CREB5: variants seen among roughly 807,000 people sequenced by gnomAD.
The protein encoded by CREB5 is cyclic AMP-responsive element-binding protein 5.
In CREB5, 19 loss-of-function variants were observed where a neutral mutation model predicts 57.1. The observed-to-expected ratio is 0.33, with a 90% confidence interval of 0.23 to 0.49. The LOEUF is 0.49. CREB5 is among the 20% of genes least tolerant of loss of function. The probability of loss-of-function intolerance (pLI) is 0.99; values close to 1 mark genes in which losing one functional copy is unlikely to be tolerated. For missense variants in CREB5, 579 were observed against 671.6 expected (o/e 0.86, Z 1.52); for synonymous variants, 238 against 238.3 (o/e 1.00, Z 0.01).
intron 4 of CREB5, among the ~76,000 whole-genome samples, chr7:28,566,986 G>A (rs1013809480): frequency 6.6e-6 from 1 of 152,106 alleles, no homozygotes; most frequent in African/African-American, 2.4e-5. Context: ...TGGGGGAGAG[G>A]GGATTACTTC....
chr7:28,528,587 C>T (rs1008283797), intron 4 of CREB5, among the ~76,000 whole-genome samples: 1 of 151,658 alleles, frequency 6.6e-6, no homozygotes, highest in African/African-American at 2.4e-5. Flanking sequence ...GCCTGTAATC[C>T]CAGCTACTCG....
At chr7:28,603,772 G>A (rs1321101040) in intron 5 of CREB5, among the ~76,000 whole-genome samples, 1 of 152,194 alleles carries the variant, frequency 6.6e-6, no homozygotes. Context: ...GTAAGTTATA[G>A]CCAGTGGTGC....
rs1809631551 is a variant in CREB5, at chr7:28,819,325, T to C, written c.*46T>C. The C allele has an allele frequency of 6.4e-7, 1 of 1,563,558 alleles. No individual in the cohort carries two copies. The highest frequency in any genetic ancestry group is 8.7e-7 in the Non-Finnish European group (1 of 1,155,980). Reference sequence around the variant, plus strand: ...CTCCAAGAAGAGCTGTAGCGTACCATGCGTCCTTTCTTTTAAGGGCATTTT... The same window carrying C: ...CTCCAAGAAGAGCTGTAGCGTACCACGCGTCCTTTCTTTTAAGGGCATTTT... On this transcript the variant is annotated 3_prime_UTR_variant, in exon 11 of 11. Transcript: ENST00000357727.
intron 1 of CREB5, among the ~76,000 whole-genome samples, chr7:28,458,091 G>A (rs177578): frequency 0.21 from 31,691 of 152,058 alleles, 3,436 homozygotes; most frequent in Middle Eastern, 0.23. Flanking sequence ...AGAAACGGGG[G>A]GCCAAGACAG....
chr7:28,384,758 G>C (rs921158246), intron 1 of CREB5, among the ~76,000 whole-genome samples: 3 of 151,870 alleles, frequency 2.0e-5, no homozygotes, highest in African/African-American at 4.8e-5. Context: ...TTAAAATAAG[G>C]CCACTGCAGA....
intron 9 of CREB5, among the ~76,000 whole-genome samples, chr7:28,810,922 A>G (rs1215970030): frequency 6.6e-6 from 1 of 152,180 alleles, no homozygotes; most frequent in African/African-American, 2.4e-5. Flanking sequence ...TTCATAATTT[A>G]TGGATGTTCA....
chr7:28,778,506 A>C (rs1218283419), intron 7 of CREB5, among the ~76,000 whole-genome samples: 1 of 152,242 alleles, frequency 6.6e-6, no homozygotes, highest in East Asian at 1.9e-4. Flanking sequence ...AGTTAGATTT[A>C]ATACAAATTG....
At chr7:28,377,291 A>C (rs1370183827) in intron 1 of CREB5, among the ~76,000 whole-genome samples, 1 of 152,194 alleles carries the variant, frequency 6.6e-6, no homozygotes, top group Non-Finnish European at 1.5e-5. Flanking sequence ...TTGTAAGAGG[A>C]AAATACACAC....
At chr7:28,583,435 G>A (rs972875659) in intron 5 of CREB5, among the ~76,000 whole-genome samples, 5 of 152,148 alleles carry the variant, frequency 3.3e-5, no homozygotes, top group African/African-American at 9.7e-5. Flanking sequence ...ATTTGGATGC[G>A]AGGGAAGAAA....
chr7:28,787,608 C>T (rs553401011), intron 7 of CREB5, among the ~76,000 whole-genome samples: 148 of 152,232 alleles, frequency 9.7e-4, no homozygotes, highest in African/African-American at 3.3e-3. Context: ...GCTCTGTTGC[C>T]GAGGCTAAAG....
intron 7 of CREB5, among the ~76,000 whole-genome samples, chr7:28,752,976 A>T (rs999805520): frequency 6.6e-6 from 1 of 151,812 alleles, no homozygotes; most frequent in Admixed American, 6.6e-5. Flanking sequence ...CAGAGATAAT[A>T]TTCTATAACA....
At chr7:28,586,006 C>T (rs1345514749) in intron 5 of CREB5, among the ~76,000 whole-genome samples, 1 of 152,170 alleles carries the variant, frequency 6.6e-6, no homozygotes, top group Non-Finnish European at 1.5e-5. Context: ...ATCTTTAGAA[C>T]TTTGCATCTT....
chr7:28,361,138 C>T (rs1481432904), intron 1 of CREB5, among the ~76,000 whole-genome samples: 1 of 152,092 alleles, frequency 6.6e-6, no homozygotes, highest in African/African-American at 2.4e-5. Context: ...TACTGTAGGA[C>T]AGAAATAACT....
intron 7 of CREB5, among the ~76,000 whole-genome samples, chr7:28,787,219 C>T (rs1272678770): frequency 6.6e-6 from 1 of 152,176 alleles, no homozygotes; most frequent in African/African-American, 2.4e-5. Context: ...GTCTCTGTGG[C>T]TCCTGAAAAG....
rs79763876 is a variant in CREB5 at position 28,590,650 on chromosome 7, G to A, written c.464+20113G>A. Among the ~76,000 whole-genome samples the A allele has an allele frequency of 1.1e-3, 163 of 148,440 alleles. 3 individuals are homozygous for A. The highest frequency in any genetic ancestry group is 3.4e-3 in the East Asian group (17 of 4,992). The stretch of plus-strand genomic sequence containing the variant: ...TGTGTAACAAACCTGCACGTTGTGC[G>A]CATGTACCCTGGAACTTAAAGTATA... On this transcript the variant is annotated intron_variant, in intron 5 of 10. Transcript: ENST00000357727.
chr7:28,560,879 C>CGTGCGCGCGTGCGTGCGTGTGCGTGCGT (rs1795132672), intron 4 of CREB5, among the ~76,000 whole-genome samples: 1 of 22,060 alleles, frequency 4.5e-5, no homozygotes, highest in Non-Finnish European at 1.0e-4. Context: ...CGTGCGCGTG[C>CGTGCGCGCGTGCGTGCGTGTGCGTGCGT]GTGCGTGCGT....
At chr7:28,343,685 G>C (rs1010127334) in intron 1 of CREB5, among the ~76,000 whole-genome samples, 1 of 152,172 alleles carries the variant, frequency 6.6e-6, no homozygotes, top group African/African-American at 2.4e-5. Context: ...GGGCATGCAG[G>C]TATTTCTTTG....
chr7:28,817,016 C>T (rs1809478786), intron 9 of CREB5, among the ~76,000 whole-genome samples: 1 of 152,090 alleles, frequency 6.6e-6, no homozygotes, highest in African/African-American at 2.4e-5. Context: ...GTGCCAAGTT[C>T]ATTATTCTAC....
At chr7:28,676,360 A>G (rs1008628110) in intron 5 of CREB5, among the ~76,000 whole-genome samples, 5 of 152,118 alleles carry the variant, frequency 3.3e-5, no homozygotes, top group Admixed American at 6.5e-5. Flanking sequence ...CTGTGGCGCT[A>G]TGACAGTATT....
Sources: gnomAD v4.1 joint callset for allele counts (sites outside exome capture counted in the v4.1 genomes callset) on GRCh38, gnomAD v4.1.1 for gene constraint, MANE v1.5 for transcripts, NCBI Gene and HGNC (gene_info 2026-07-23, HGNC 2026-07-21) for gene names.